The following RNF17 variants were observed in gnomAD, a reference collection of about 807,000 sequenced individuals.
RNF17 encodes the protein ring finger protein 17, also known as spermatogenesis associated 23.
Under a neutral mutation model 200.5 loss-of-function variants are expected in RNF17, and 31 were observed. The ratio of observed to expected loss-of-function variants is 0.15; its 90% CI spans 0.12 to 0.21. The LOEUF (loss-of-function observed/expected upper bound fraction) is 0.21. RNF17 is among the 10% of genes least tolerant of loss of function. The pLI is 1.00. For synonymous variants in RNF17, 606 were observed against 637.8 expected, an observed-to-expected ratio of 0.95 and a Z score of 0.75; for missense variants, 1,628 against 1,905.1, an observed-to-expected ratio of 0.85 and a Z score of 2.71.
intron 22 of RNF17, among the ~76,000 whole-genome samples, chr13:24,847,507 G>A (rs1019211662): frequency 5.9e-5 from 9 of 151,806 alleles, no homozygotes; most frequent in Non-Finnish European, 1.0e-4. Context: ...CACCATGCCC[G>A]GCTAAGTTTT....
At position 24,774,914 on chromosome 13, in the gene RNF17, A is replaced by T. The variant is rs377766401; in HGVS notation, c.317+10A>T. 1 of 1,502,278 alleles carries T rather than the reference A, an allele frequency of 6.7e-7. No individual in the cohort carries two copies. The highest frequency in any genetic ancestry group is 1.4e-5 in the African/African-American group (1 of 72,280). The allele number at this position is 1,502,278 out of a possible 1,614,324, so 93.1% of individuals were successfully genotyped here. A position where few individuals can be genotyped will look rare whatever the true frequency, so the allele number is the denominator to read the frequency against. On this transcript the variant is annotated intron_variant, in intron 3 of 35. Transcript: ENST00000255324. ...AACTGCAGCCTAAGACGTATGTTCCATGTGTACTTATTTGAGTATTTAAAG... is the reference window on the plus strand; with the variant it reads ...AACTGCAGCCTAAGACGTATGTTCCTTGTGTACTTATTTGAGTATTTAAAG...
Position 24,877,123 on chromosome 13 carries a change from C to T in RNF17, c.4710C>T (p.Ser1570=), listed in dbSNP as rs753714018. The change falls in exon 34 of 36, where the codon AGC becomes AGT. Residue 1570 remains serine, a synonymous_variant. Transcript: ENST00000255324. ...GAATACCATATTGTCCCAAATGGAG[C>T]ATGGAGGCACTGTGGGCTATGATAG... ...ETRIPYCPKW[S]MEALWAMIDC... is the part of the protein sequence containing the mutation. 9 of 1,613,558 alleles carry T rather than the reference C, an allele frequency of 5.6e-6. No homozygotes were observed. In the Middle Eastern group the frequency reaches 5.0e-4, roughly 89 times the overall value.
chr13:24,846,438 T>C (rs1022979527), intron 22 of RNF17, among the ~76,000 whole-genome samples: 2 of 152,210 alleles, frequency 1.3e-5, no homozygotes, highest in African/African-American at 4.8e-5. Flanking sequence ...TTGTTAACTT[T>C]TGTTAAATAA....
the RNF17 span, among the ~76,000 whole-genome samples, chr13:24,753,385 C>T: frequency 7.2e-5 from 11 of 152,138 alleles, no homozygotes; most frequent in African/African-American, 2.4e-4. Flanking sequence ...TCACACATGA[C>T]CTGTATTAAA....
chr13:24,839,598 C>CTTTG lies in RNF17; in HGVS notation c.2483-2442_2483-2439dup, dbSNP rs747653601. ...AACCCAAATACTTACAGCCACTGAT[C>CTTTG]TTTGACAAGGCAAACAAAAACATAA... On this transcript the variant is annotated intron_variant, in intron 18 of 35. Transcript: ENST00000255324. Among the ~76,000 whole-genome samples the CTTTG allele has an allele frequency of 1.6e-4, 25 of 152,082 alleles. 1 individual carries two copies. Among genetic ancestry groups the CTTTG allele is most frequent in the Non-Finnish European group, 2.8e-4 (19 of 68,000 alleles).
chr13:24,791,616 C>A (rs1197703092), intron 9 of RNF17, among the ~76,000 whole-genome samples: 3 of 152,088 alleles, frequency 2.0e-5, no homozygotes, highest in Non-Finnish European at 2.9e-5. Flanking sequence ...GAAATAAGTT[C>A]TTTCATTGTA....
intron 10 of RNF17, chr13:24,794,184 C>T: frequency 2.2e-6 from 1 of 456,506 alleles, no homozygotes. Context: ...TGGGGAGACA[C>T]CTAGATATCC....
Position 24,809,116 on chromosome 13 carries a change from T to G in RNF17, c.2091+4687T>G, listed in dbSNP as rs959858001. Among the ~76,000 whole-genome samples the G allele has an allele frequency of 6.0e-5, 9 of 151,200 alleles. No individual in the cohort carries two copies. In the South Asian group the frequency reaches 1.7e-3, roughly 29 times the overall value. Reference sequence around the variant, plus strand: ...TCGGTCTAAAATTCTCTTTTTTGGTTGTGTCTCTGCCCGGCTTTGGTATCA... The same window carrying G: ...TCGGTCTAAAATTCTCTTTTTTGGTGGTGTCTCTGCCCGGCTTTGGTATCA... On this transcript the variant is annotated intron_variant, in intron 15 of 35. Transcript: ENST00000255324.
intron 19 of RNF17, among the ~76,000 whole-genome samples, 191 bp from the exon 20 acceptor site, chr13:24,843,553 T>C (rs1010197139): frequency 6.6e-6 from 1 of 152,138 alleles, no homozygotes; most frequent in Non-Finnish European, 1.5e-5. Context: ...AATCTTCTCC[T>C]TTCTTTTTAA....
the RNF17 span, among the ~76,000 whole-genome samples, chr13:24,888,529 C>CTT: frequency 6.6e-6 from 1 of 152,148 alleles, no homozygotes; most frequent in Non-Finnish European, 1.5e-5. Context: ...ATGTTAAAGT[C>CTT]TGGCCAGATC....
Position 24,877,034 on chromosome 13 carries a change from G to C in RNF17, c.4621G>C (p.Ala1541Pro). 1.2e-6 allele frequency: 2 copies of C among 1,611,164 alleles called. No individual in the cohort carries two copies. Among genetic ancestry groups the C allele is most frequent in the Non-Finnish European group, 1.7e-6 (2 of 1,179,270 alleles). ...TCCTTCTCATCTTATGCGGTATCCA[G>C]CTCGAGCCATAAAGGTTCTCTTGGC... ...QIPSHLMRYP[A>P]RAIKVLLAGF... Residue 1541 changes from alanine to proline, a missense_variant, in exon 34 of 36, where the codon GCT becomes CCT. Ala to Pro is a conservative substitution (Grantham distance 27). Around this residue, in one of 5 missense-constraint regions of RNF17, gnomAD observed 609 missense variants for 681.9 expected, o/e 0.89. Transcript: ENST00000255324.
intron 29 of RNF17, 81 bp from the exon 30 acceptor site, chr13:24,866,063 G>GTT (rs1217698685): frequency 6.5e-6 from 5 of 774,552 alleles, no homozygotes; most frequent in Non-Finnish European, 8.8e-6. Context: ...AATGCACCCA[G>GTT]TTTTTGTGGG....
At chr13:24,800,271 A>G in intron 12 of RNF17, 95 bp from the exon 13 acceptor site, 1 of 847,688 alleles carries the variant, frequency 1.2e-6, no homozygotes. Context: ...GTAACTTAAG[A>G]AAAATTATAC....
chr13:24,838,851 GCA>G lies in RNF17; in HGVS notation c.2483-3189_2483-3188del, dbSNP rs557464638. On this transcript the variant is annotated intron_variant, in intron 18 of 35. Coordinates refer to ENST00000255324, the MANE Select transcript of RNF17 (RefSeq NM_031277.3). Reference sequence around the variant, plus strand: ...GTCAAGCAAGAGAAGGAAAGAAAGGGCATCCAAATCAGTAAAGAAAAAGTTAA... The same window carrying G: ...GTCAAGCAAGAGAAGGAAAGAAAGGGTCCAAATCAGTAAAGAAAAAGTTAA... Among the ~76,000 whole-genome samples the G allele has an allele frequency of 7.8e-4, 119 of 152,226 alleles. 1 individual carries two copies. Among genetic ancestry groups the G allele is most frequent in the African/African-American group, 2.6e-3 (110 of 41,558 alleles).
chr13:24,879,405 G>A, intron 35 of RNF17, 110 bp downstream of exon 35: 1 of 687,688 alleles, frequency 1.5e-6, no homozygotes, highest in Non-Finnish European at 2.5e-6. Flanking sequence ...AGGAATGACA[G>A]CAACGCTCCA....
At chr13:24,884,384 T>A, downstream of RNF17, 2 of 1,614,104 alleles carry the variant, frequency 1.2e-6, no homozygotes, top group Non-Finnish European at 1.7e-6. Context: ...AGTGATGGTC[T>A]TCCCATCTGC....
intron 25 of RNF17, among the ~76,000 whole-genome samples, chr13:24,855,365 C>T (rs557794368): frequency 6.6e-6 from 1 of 152,230 alleles, no homozygotes; most frequent in Non-Finnish European, 1.5e-5. Flanking sequence ...CACGGTGGCT[C>T]ATGCCTGTCA....
intron 17 of RNF17, 72 bp from the exon 18 acceptor site, chr13:24,831,786 T>TA: frequency 7.5e-7 from 1 of 1,327,280 alleles, no homozygotes; most frequent in Non-Finnish European, 1.1e-6. Flanking sequence ...TGTACACACT[T>TA]AATAAAACTT....
chr13:24,749,526 T>C, the RNF17 span, among the ~76,000 whole-genome samples: 2 of 152,154 alleles, frequency 1.3e-5, no homozygotes, highest in African/African-American at 2.4e-5. Flanking sequence ...ATTTCCCTTA[T>C]TCTTTTTCTC....
Sources: allele counts gnomAD v4.1 joint callset (sites outside exome capture counted in the v4.1 genomes callset), GRCh38; gene constraint gnomAD v4.1.1; regional missense constraint gnomAD v4.1.1; transcripts MANE v1.5; gene names NCBI Gene and HGNC (gene_info 2026-07-23, HGNC 2026-07-21).